Variants in CNRIP1 observed in about 807,000 individuals in gnomAD.
CNRIP1 encodes CB1 cannabinoid receptor-interacting protein 1.
A neutral mutation model predicts 15.2 loss-of-function variants in CNRIP1; 10 were observed. The observed-to-expected ratio is 0.66, with a 90% CI of 0.41 to 1.12. The LOEUF (loss-of-function observed/expected upper bound fraction) is 1.12. Ranked by LOEUF, CNRIP1 falls within the 50% of genes most tolerant of loss-of-function variation. The probability of loss-of-function intolerance (pLI) is 0.00; values close to 1 mark genes in which losing one functional copy is unlikely to be tolerated. For missense variants in CNRIP1, 211 were observed against 214.7 expected (o/e 0.98, Z 0.11); for synonymous variants, 91 against 83.2 (o/e 1.09, Z -0.51).
intron 2 of CNRIP1, chr2:68,316,927 G>A: frequency 3.2e-6 from 2 of 628,166 alleles, no homozygotes; most frequent in Non-Finnish European, 2.9e-6. Context: ...AGAACCATCT[G>A]CTTCTGCTTA....
At chr2:68,310,740 A>T (rs112844863) in intron 2 of CNRIP1, among the ~76,000 whole-genome samples, 2,189 of 151,866 alleles carry the variant, frequency 0.014, 45 homozygotes, top group African/African-American at 0.049. Context: ...GGCTGTAATA[A>T]TTTACTCTAA....
chr2:68,300,616 C>CA (rs1671569073), intron 2 of CNRIP1, among the ~76,000 whole-genome samples: 1 of 144,994 alleles, frequency 6.9e-6, no homozygotes, highest in South Asian at 2.1e-4. Context: ...GACTCTGCCT[C>CA]AAAAAAATAA....
At chr2:68,294,126 C>G in intron 2 of CNRIP1, 100 bp from the exon 3 acceptor site, 1 of 1,269,186 alleles carries the variant, frequency 7.9e-7, no homozygotes, top group Non-Finnish European at 1.1e-6. Context: ...ATCAAGCAGA[C>G]CCAGTCCAGA....
intron 2 of CNRIP1, among the ~76,000 whole-genome samples, chr2:68,312,692 G>GA (rs1406427689): frequency 2.0e-5 from 3 of 152,040 alleles, no homozygotes; most frequent in Non-Finnish European, 4.4e-5. Context: ...AGCATATTTA[G>GA]AAAATCCTAG....
downstream of CNRIP1, among the ~76,000 whole-genome samples, chr2:68,289,471 C>T (rs539452020): frequency 2.0e-5 from 3 of 151,760 alleles, no homozygotes; most frequent in African/African-American, 2.4e-5. Flanking sequence ...GAAAATGTAT[C>T]GCTCCTTTTC....
At chr2:68,303,583 T>G (rs1195292052) in intron 2 of CNRIP1, among the ~76,000 whole-genome samples, 2 of 152,236 alleles carry the variant, frequency 1.3e-5, no homozygotes, top group Admixed American at 6.5e-5. Flanking sequence ...GAAAGAAGAT[T>G]AATTCAAACA....
At chr2:68,305,619 C>T (rs1021197464) in intron 2 of CNRIP1, among the ~76,000 whole-genome samples, 1 of 150,366 alleles carries the variant, frequency 6.7e-6, no homozygotes, top group Admixed American at 6.6e-5. Context: ...CACGGTGAAA[C>T]CCCGTCTCTA....
Position 68,307,194 on chromosome 2 carries a change from T to C in CNRIP1, c.330+9963A>G, listed in dbSNP as rs140836550. On this transcript the variant is annotated intron_variant, in intron 2 of 2. Transcript: ENST00000263655. Reference sequence around the variant, plus strand: ...TCAAAATGTTATACAATTGTATATATTGTCAAACTATTGTTACAATTTTGT... The same window carrying C: ...TCAAAATGTTATACAATTGTATATACTGTCAAACTATTGTTACAATTTTGT... Among the ~76,000 whole-genome samples, 193 of 152,346 alleles carry C rather than the reference T, an allele frequency of 1.3e-3. 1 individual carries two copies. Among genetic ancestry groups the C allele is most frequent in the African/African-American group, 4.4e-3 (182 of 41,596 alleles).
In CNRIP1 at chr2:68,293,586, A is replaced by C; in HGVS notation, c.*276T>G. 1 of 1,106,588 alleles carries C rather than the reference A, an allele frequency of 9.0e-7. No homozygotes were observed. The highest frequency in any genetic ancestry group is 1.1e-6 in the Non-Finnish European group (1 of 902,704). 68.5% of individuals were successfully genotyped at this position (1,106,588 alleles called of 1,614,324 possible). A position where few individuals can be genotyped will look rare whatever the true frequency, so the allele number is the denominator to read the frequency against. Reference sequence around the variant, plus strand: ...CTGCCAGGGCCACTGAACTCCAGTCACAAGTGGTCAAAAGTATGACCGAGA... The same window carrying C: ...CTGCCAGGGCCACTGAACTCCAGTCCCAAGTGGTCAAAAGTATGACCGAGA... On this transcript the variant is annotated 3_prime_UTR_variant, in exon 3 of 3. Coordinates refer to ENST00000263655, the MANE Select transcript of CNRIP1 (RefSeq NM_015463.3).
chr2:68,319,208 C>A lies in CNRIP1; in HGVS notation c.179+14G>T, dbSNP rs778926522. ...CATGGGGGACCCTGCTGCCACCAGGCGCCCCGCACTCACTCGACCTGCAGC... is the reference window on the plus strand; with the variant it reads ...CATGGGGGACCCTGCTGCCACCAGGAGCCCCGCACTCACTCGACCTGCAGC... On this transcript the variant is annotated intron_variant, in intron 1 of 2. Coordinates refer to ENST00000263655, the MANE Select transcript of CNRIP1 (RefSeq NM_015463.3). 6.5e-7 allele frequency: 1 copy of A among 1,533,566 alleles called. No homozygotes were observed. The highest frequency in any genetic ancestry group is 8.8e-7 in the Non-Finnish European group (1 of 1,137,408). 95.0% of individuals were successfully genotyped at this position (1,533,566 alleles called of 1,614,324 possible). A position where few individuals can be genotyped will look rare whatever the true frequency, so the allele number is the denominator to read the frequency against.
rs1335202381 is a variant in CNRIP1 at position 68,317,136 on chromosome 2, ATAC to A, written c.330+18_330+20del. On this transcript the variant is annotated intron_variant, in intron 2 of 2. Transcript: ENST00000263655. ...CCATTTTCCATGGCACCATACTCCT[ATAC>A]CCGCAAGCAAGCCTTACCGGCATGG... 3.1e-6 allele frequency: 5 copies of A among 1,613,928 alleles called. No individual in the cohort carries two copies. The highest frequency in any genetic ancestry group is 1.7e-6 in the Non-Finnish European group (2 of 1,179,976).
At chr2:68,303,927 A>G (rs914866376) in intron 2 of CNRIP1, among the ~76,000 whole-genome samples, 1 of 152,168 alleles carries the variant, frequency 6.6e-6, no homozygotes, top group African/African-American at 2.4e-5. Context: ...AAATACAAAA[A>G]ATTAGCTGGG....
intron 2 of CNRIP1, chr2:68,284,548 A>G: frequency 9.1e-7 from 1 of 1,099,706 alleles, no homozygotes; most frequent in Non-Finnish European, 1.3e-6. Context: ...GCAGTGACTC[A>G]CGCCCGTAAT....
rs1046402 is a variant in CNRIP1 at position 68,293,087 on chromosome 2, G to A, written c.*775C>T. On this transcript the variant is annotated 3_prime_UTR_variant, in exon 3 of 3. Transcript: ENST00000263655. ...TGCAGTTTTACAAAGTTCAAGTGAA[G>A]AAGACTGTAGGGATGCCATCAATGT... is the stretch of plus-strand genomic sequence containing the variant. The A allele has an allele frequency of 2.0e-6, 2 of 985,062 alleles. No individual in the cohort carries two copies. Among genetic ancestry groups the A allele is most frequent in the African/African-American group, 3.5e-5 (2 of 56,992 alleles). 61.0% of individuals were successfully genotyped at this position (985,062 alleles called of 1,614,324 possible).
chr2:68,286,971 T>C (rs1671046993), intron 2 of CNRIP1, among the ~76,000 whole-genome samples: 1 of 152,256 alleles, frequency 6.6e-6, no homozygotes, highest in Admixed American at 6.5e-5. Context: ...AGTCAATGAA[T>C]GCTAATTTTG....
At chr2:68,284,990 A>G (rs1250723313) in intron 2 of CNRIP1, among the ~76,000 whole-genome samples, 1 of 152,164 alleles carries the variant, frequency 6.6e-6, no homozygotes, top group African/African-American at 2.4e-5. Context: ...AGCTGTTTTC[A>G]CTAATACACT....
intron 2 of CNRIP1, among the ~76,000 whole-genome samples, chr2:68,314,828 C>G (rs1187281035): frequency 6.6e-6 from 1 of 151,996 alleles, no homozygotes; most frequent in Non-Finnish European, 1.5e-5. Flanking sequence ...TATTAGGACA[C>G]TGTGGGCAAA....
chr2:68,288,108 C>A (rs895780098), downstream of CNRIP1, among the ~76,000 whole-genome samples: 1 of 144,812 alleles, frequency 6.9e-6, no homozygotes. Flanking sequence ...TCTAGAATCT[C>A]ATCACCTTTT....
At chr2:68,287,749 C>T (rs1338331512) in intron 2 of CNRIP1, among the ~76,000 whole-genome samples, 1 of 152,216 alleles carries the variant, frequency 6.6e-6, no homozygotes, top group African/African-American at 2.4e-5. Context: ...TGGCCTTAGC[C>T]CAGGCCATGG....
Sources: gnomAD v4.1 joint callset for allele counts (sites outside exome capture counted in the v4.1 genomes callset) on GRCh38, gnomAD v4.1.1 for gene constraint, MANE v1.5 for transcripts, NCBI Gene and HGNC (gene_info 2026-07-23, HGNC 2026-07-21) for gene names.